DOCK1: variants seen among roughly 807,000 people sequenced by gnomAD.
DOCK1 encodes the protein dedicator of cytokinesis 1, also known as dedicator of cytokinesis protein 1.
In DOCK1, 138 loss-of-function variants were observed where a neutral mutation model predicts 262.7. The observed-to-expected ratio is 0.53, with a 90% CI of 0.46 to 0.61. The LOEUF (loss-of-function observed/expected upper bound fraction) is 0.61. Ranked by LOEUF, DOCK1 falls within the 20% of genes least tolerant of loss-of-function variation. DOCK1 has a pLI of 0.00. For missense variants in DOCK1, 1,908 were observed against 2,370.7 expected, an observed-to-expected ratio of 0.80 and a Z score of 4.05; for synonymous variants, 866 against 867.4, an observed-to-expected ratio of 1.00 and a Z score of 0.03.
intron 27 of DOCK1, among the ~76,000 whole-genome samples, chr10:127,145,540 C>A (rs2051731281): frequency 6.6e-6 from 1 of 152,190 alleles, no homozygotes; most frequent in Admixed American, 6.5e-5. Flanking sequence ...TGTTGTCCTC[C>A]TGTTCTAAGC....
At chr10:127,383,355 CTTAATTTATTTTAT>C in intron 37 of DOCK1, among the ~76,000 whole-genome samples, 1 of 152,254 alleles carries the variant, frequency 6.6e-6, no homozygotes, top group East Asian at 1.9e-4. Context: ...CTTGCTTGTT[CTTAATTTATTTTAT>C]TGTGGTTACA....
chr10:126,974,836 G>A lies in DOCK1; in HGVS notation c.131-3112G>A, dbSNP rs537057760. On this transcript the variant is annotated intron_variant, in intron 2 of 51. Transcript: ENST00000623213. ...GTGTGGTCTCTGGTACATGGTGTGC[G>A]GGCTCACTTTGTTGAAGAAATAGTG... Among the ~76,000 whole-genome samples the A allele has an allele frequency of 8.5e-5, 13 of 152,206 alleles. No homozygotes were observed. The South Asian group carries it at 1.5e-3, about 17-fold the overall frequency.
chr10:127,219,647 C>T (rs943656723), intron 27 of DOCK1, among the ~76,000 whole-genome samples: 2 of 152,172 alleles, frequency 1.3e-5, no homozygotes, highest in African/African-American at 4.8e-5. Context: ...TTTCTCCCTC[C>T]TCTCAGCACC....
chr10:127,326,026 C>T (rs953568296), intron 29 of DOCK1, among the ~76,000 whole-genome samples: 1 of 152,086 alleles, frequency 6.6e-6, no homozygotes, highest in Non-Finnish European at 1.5e-5. Flanking sequence ...AGTGTATATA[C>T]CTTAATAGAA....
chr10:127,273,878 C>CA (rs5788832), intron 29 of DOCK1, among the ~76,000 whole-genome samples: 56,782 of 136,650 alleles, frequency 0.42, 10,823 homozygotes, highest in Admixed American at 0.44. Flanking sequence ...GAGACTGTCT[C>CA]AAAAAAAAAA....
chr10:127,041,714 C>G (rs545922743), intron 19 of DOCK1, among the ~76,000 whole-genome samples: 1 of 152,158 alleles, frequency 6.6e-6, no homozygotes, highest in South Asian at 2.1e-4. Flanking sequence ...GCGTTCTTGC[C>G]CACTTCTTAT....
intron 27 of DOCK1, among the ~76,000 whole-genome samples, chr10:127,247,408 C>T (rs1246718496): frequency 1.3e-5 from 2 of 152,112 alleles, no homozygotes; most frequent in African/African-American, 4.8e-5. Flanking sequence ...ATTGCCTCCA[C>T]ATCGGGCACA....
intron 27 of DOCK1, among the ~76,000 whole-genome samples, chr10:127,197,270 G>C (rs1384272879): frequency 6.6e-6 from 1 of 152,166 alleles, no homozygotes; most frequent in Non-Finnish European, 1.5e-5. Context: ...CACACCACCC[G>C]TCAGCAGAAG....
chr10:127,204,035 C>T (rs1397837390), intron 27 of DOCK1, among the ~76,000 whole-genome samples: 1 of 152,164 alleles, frequency 6.6e-6, no homozygotes, highest in East Asian at 1.9e-4. Flanking sequence ...ACAAACGCTC[C>T]TGGCTTCATC....
At chr10:127,322,729 T>G (rs2062587617) in intron 29 of DOCK1, among the ~76,000 whole-genome samples, 1 of 152,264 alleles carries the variant, frequency 6.6e-6, no homozygotes, top group Admixed American at 6.5e-5. Context: ...ATTCACTTTT[T>G]GTATTGTCAG....
At chr10:127,021,243 G>T (rs548034669) in intron 13 of DOCK1, among the ~76,000 whole-genome samples, 36 of 152,274 alleles carry the variant, frequency 2.4e-4, no homozygotes, top group Non-Finnish European at 4.0e-4. Flanking sequence ...TCAGCTCACC[G>T]CAACGTCTGC....
chr10:127,169,432 C>T (rs751214662), intron 27 of DOCK1, among the ~76,000 whole-genome samples: 1 of 152,218 alleles, frequency 6.6e-6, no homozygotes, highest in Non-Finnish European at 1.5e-5. Context: ...GGCAGTCACA[C>T]ACCTTGGACT....
chr10:127,437,787 G>T lies in DOCK1; in HGVS notation c.5061-1240G>T, dbSNP rs993980956. Among the ~76,000 whole-genome samples, 1 of 152,162 alleles carries T rather than the reference G, an allele frequency of 6.6e-6. No homozygotes were observed. Among genetic ancestry groups the T allele is most frequent in the East Asian group, 1.9e-4 (1 of 5,192 alleles). On this transcript the variant is annotated intron_variant, in intron 48 of 51. Transcript: ENST00000623213. The surrounding 1 kb of genome is among the most constrained non-coding windows in gnomAD (Gnocchi z 4.4). ...AGCCACCATGCCCGGCCCTGCAATG[G>T]CCTTCTTAATGAGAACAGTGGCTTT...
At chr10:127,351,154 G>T (rs2063860755) in intron 31 of DOCK1, among the ~76,000 whole-genome samples, 1 of 152,176 alleles carries the variant, frequency 6.6e-6, no homozygotes, top group Non-Finnish European at 1.5e-5. Flanking sequence ...ACGATTTTAT[G>T]TCCGGGTTAC....
At chr10:127,312,809 C>A (rs1483982778) in intron 29 of DOCK1, among the ~76,000 whole-genome samples, 2 of 150,212 alleles carry the variant, frequency 1.3e-5, no homozygotes, top group Non-Finnish European at 3.0e-5. Context: ...AGCCATCACT[C>A]CCTCCCTCCT....
intron 27 of DOCK1, among the ~76,000 whole-genome samples, chr10:127,222,324 C>T (rs1172605900): frequency 1.3e-5 from 2 of 152,216 alleles, no homozygotes; most frequent in Non-Finnish European, 2.9e-5. Context: ...CTTCCTCAGT[C>T]TCTTCACATC....
chr10:127,434,760 C>A lies in DOCK1; in HGVS notation c.5060+1332C>A, dbSNP rs745958645. ...CTCCGCCTCCCAGGTTCAAACAATT[C>A]TTTTGCCTCAGCCTCCCAAGTAGCT... On this transcript the variant is annotated intron_variant, in intron 48 of 51. Coordinates refer to ENST00000623213, the MANE Select transcript of DOCK1 (RefSeq NM_001290223.2). Among the ~76,000 whole-genome samples the A allele has an allele frequency of 1.2e-3, 175 of 151,752 alleles. 2 individuals carry two copies. Among genetic ancestry groups the A allele is most frequent in the Admixed American group, 2.6e-3 (39 of 15,196 alleles).
rs546942572 is a variant in DOCK1, at chr10:127,237,505, C to T, written c.2848-10503C>T. Among the ~76,000 whole-genome samples, 6 of 152,218 alleles carry T rather than the reference C, an allele frequency of 3.9e-5. No individual in the cohort carries two copies. In the South Asian group the frequency reaches 6.2e-4, roughly 16 times the overall value. On this transcript the variant is annotated intron_variant, in intron 27 of 51. Transcript: ENST00000623213. ...GTATTTTGTTAAGACCTGAATACAC[C>T]TCTACAGTGGACAGTCCAAATAAAT...
chr10:127,029,903 G>A (rs372449411), intron 16 of DOCK1, among the ~76,000 whole-genome samples: 2 of 152,146 alleles, frequency 1.3e-5, no homozygotes, highest in African/African-American at 4.8e-5. Context: ...AAACTTAGGA[G>A]GAACTGTTCT....
Sources: allele counts gnomAD v4.1 joint callset (sites outside exome capture counted in the v4.1 genomes callset), GRCh38; gene constraint gnomAD v4.1.1; non-coding constraint Gnocchi (gnomAD v3.1); transcripts MANE v1.5; gene names NCBI Gene and HGNC (gene_info 2026-07-23, HGNC 2026-07-21).